Variants in HTR2C observed in about 807,000 individuals in gnomAD.
HTR2C encodes 5-hydroxytryptamine receptor 2C, also known as 5-hydroxytryptamine (serotonin) receptor 2C, G protein-coupled.
In HTR2C, 5 loss-of-function variants were observed where a neutral mutation model predicts 21.0. The ratio of observed to expected loss-of-function variants is 0.24; its 90% CI spans 0.12 to 0.50. The LOEUF is 0.50. Among genes scored for constraint, HTR2C ranks in the 20% least tolerant of loss-of-function variants. The probability of loss-of-function intolerance (pLI) is 0.98; values close to 1 mark genes in which losing one functional copy is unlikely to be tolerated. For missense variants in HTR2C, 271 were observed against 371.2 expected, an observed-to-expected ratio of 0.73 and a Z score of 2.22; for synonymous variants, 150 against 145.3, an observed-to-expected ratio of 1.03 and a Z score of -0.23.
intron 4 of HTR2C, among the ~76,000 whole-genome samples, chrX:114,796,174 T>C (rs2070291378): frequency 9.0e-6 from 1 of 111,495 alleles, no homozygotes; most frequent in South Asian, 3.7e-4. Context: ...ATGCTAGAGG[T>C]GTGATTTGCT....
intron 2 of HTR2C, among the ~76,000 whole-genome samples, chrX:114,619,563 C>A (rs782632667): frequency 1.8e-5 from 2 of 111,102 alleles, no homozygotes; most frequent in South Asian, 3.8e-4. Flanking sequence ...AGAAATTGTG[C>A]CTTCTGTTGT....
chrX:114,755,261 G>A (rs999230912), intron 4 of HTR2C, among the ~76,000 whole-genome samples: 2 of 108,144 alleles, frequency 1.8e-5, no homozygotes, highest in Non-Finnish European at 3.8e-5. Flanking sequence ...AAAAAAACAC[G>A]GAAATTTATT....
chrX:114,755,651 T>G (rs2069804656), intron 4 of HTR2C, among the ~76,000 whole-genome samples: 1 of 111,656 alleles, frequency 9.0e-6, no homozygotes, highest in South Asian at 3.7e-4. Flanking sequence ...GCATTTGGAC[T>G]TGGCTATTTT....
At chrX:114,744,435 C>A (rs1556425757) in intron 4 of HTR2C, among the ~76,000 whole-genome samples, 1 of 105,525 alleles carries the variant, frequency 9.5e-6, no homozygotes, top group Non-Finnish European at 1.9e-5. Flanking sequence ...AGAGGAAAAC[C>A]AGTGTGTTCC....
chrX:114,606,352 G>A (rs185887551), intron 1 of HTR2C, among the ~76,000 whole-genome samples: 9 of 111,640 alleles, frequency 8.1e-5, no homozygotes, highest in South Asian at 3.8e-4. Flanking sequence ...GGGACTTGCC[G>A]CTTAAGGTGA....
intron 2 of HTR2C, among the ~76,000 whole-genome samples, chrX:114,701,729 G>C (rs1932513371): frequency 8.9e-6 from 1 of 112,432 alleles, no homozygotes; most frequent in Non-Finnish European, 1.9e-5. Context: ...TTGACGAGTT[G>C]AGAGAAGAAG....
At chrX:114,709,426 G>A (rs1318597460) in intron 2 of HTR2C, among the ~76,000 whole-genome samples, 1 of 112,007 alleles carries the variant, frequency 8.9e-6, no homozygotes, top group Non-Finnish European at 1.9e-5. Context: ...TTTTTCTACA[G>A]AACAAAATTG....
intron 5 of HTR2C, among the ~76,000 whole-genome samples, chrX:114,853,228 A>AT (rs1292145038): frequency 2.7e-5 from 3 of 110,122 alleles, no homozygotes; most frequent in African/African-American, 6.6e-5. Flanking sequence ...ATTTTTTCTG[A>AT]TTTTTTTTCA....
At chrX:114,601,224 G>A (rs1288713817) in intron 1 of HTR2C, among the ~76,000 whole-genome samples, 1 of 111,238 alleles carries the variant, frequency 9.0e-6, no homozygotes, top group East Asian at 2.8e-4. Flanking sequence ...TTGAGAGGAA[G>A]AGATAGGCTT....
chrX:114,823,672 T>C (rs994976397), intron 4 of HTR2C: 1 of 287,191 alleles, frequency 3.5e-6, no homozygotes, highest in African/African-American at 2.8e-5. Flanking sequence ...TTCTGACAAA[T>C]GTATTTAGAG....
intron 2 of HTR2C, among the ~76,000 whole-genome samples, chrX:114,644,712 G>C (rs1409838691): frequency 9.2e-6 from 1 of 109,214 alleles, no homozygotes; most frequent in Non-Finnish European, 1.9e-5. Flanking sequence ...ACTAAGTACT[G>C]CTAGAGGCAA....
chrX:114,777,469 T>C (rs1556438932), intron 4 of HTR2C, among the ~76,000 whole-genome samples: 1 of 112,347 alleles, frequency 8.9e-6, no homozygotes, highest in Non-Finnish European at 1.9e-5. Context: ...GGTTATATAG[T>C]GTAGAATTTT....
intron 2 of HTR2C, among the ~76,000 whole-genome samples, chrX:114,718,219 C>T (rs1385864664): frequency 1.0e-5 from 1 of 98,592 alleles, no homozygotes; most frequent in Non-Finnish European, 2.0e-5. Context: ...GCAGAGATGG[C>T]GTCTTGCTCT....
chrX:114,809,627 G>A (rs782706284), intron 4 of HTR2C, among the ~76,000 whole-genome samples: 29 of 109,779 alleles, frequency 2.6e-4, no homozygotes, highest in African/African-American at 7.0e-4. Context: ...CAGGTGATCT[G>A]CCCACCTCAG....
chrX:114,768,405 C>G (rs1313860101), intron 4 of HTR2C, among the ~76,000 whole-genome samples: 4 of 110,501 alleles, frequency 3.6e-5, no homozygotes, highest in Non-Finnish European at 5.7e-5. Flanking sequence ...TACATTAAAC[C>G]AAACCCCTAT....
chrX:114,622,214 A>G (rs1038900659), intron 2 of HTR2C, among the ~76,000 whole-genome samples: 29 of 111,841 alleles, frequency 2.6e-4, no homozygotes, highest in African/African-American at 9.4e-4. Context: ...CTGAGGATTG[A>G]AGATTTGAAA....
At chrX:114,585,470 G>GT (rs1927352450) in intron 1 of HTR2C, among the ~76,000 whole-genome samples, 2 of 111,698 alleles carry the variant, frequency 1.8e-5, no homozygotes, top group African/African-American at 6.5e-5. Flanking sequence ...CCTGTACTCA[G>GT]TTTTACCTGA....
intron 5 of HTR2C, among the ~76,000 whole-genome samples, chrX:114,904,373 T>C (rs1556486054): frequency 8.9e-6 from 1 of 111,880 alleles, no homozygotes; most frequent in Non-Finnish European, 1.9e-5. Context: ...CTCCCTCCCG[T>C]ATTATTTTGA....
chrX:114,811,595 C>T (rs892241993), intron 4 of HTR2C, among the ~76,000 whole-genome samples: 3 of 112,289 alleles, frequency 2.7e-5, no homozygotes, highest in Admixed American at 9.5e-5. Flanking sequence ...AATATGTTCC[C>T]ATTGCATGCA....
Sources: allele counts gnomAD v4.1 joint callset (sites outside exome capture counted in the v4.1 genomes callset), GRCh38; gene constraint gnomAD v4.1.1; transcripts MANE v1.5; gene names NCBI Gene and HGNC (gene_info 2026-07-23, HGNC 2026-07-21).